The following RELN variants were observed in gnomAD, a reference collection of about 807,000 sequenced individuals.
RELN encodes reelin.
In RELN, 108 loss-of-function variants were observed where a neutral mutation model predicts 427.6. The observed-to-expected ratio is 0.25, with a 90% confidence interval of 0.22 to 0.30. The LOEUF (loss-of-function observed/expected upper bound fraction) is 0.30. Among genes scored for constraint, RELN ranks in the 10% least tolerant of loss-of-function variants. The pLI, the probability that RELN is intolerant of heterozygous loss-of-function variation, is 1.00. For missense variants in RELN, 3,715 were observed against 4,302.8 expected, an observed-to-expected ratio of 0.86 and a Z score of 3.82; for synonymous variants, 1,524 against 1,513.4, an observed-to-expected ratio of 1.01 and a Z score of -0.16.
At chr7:103,556,678 ATT>A (rs1830529373) in intron 38 of RELN, among the ~76,000 whole-genome samples, 1 of 151,856 alleles carries the variant, frequency 6.6e-6, no homozygotes, top group Non-Finnish European at 1.5e-5. Flanking sequence ...CATCTTCCTT[ATT>A]TTCTCTTGCT....
At chr7:103,909,499 C>T (rs1051571829) in intron 2 of RELN, among the ~76,000 whole-genome samples, 3 of 148,116 alleles carry the variant, frequency 2.0e-5, no homozygotes, top group Admixed American at 6.9e-5. Flanking sequence ...ATAATTCACT[C>T]GGGAGGCTGA....
At chr7:103,581,517 G>C (rs923834893) in intron 28 of RELN, among the ~76,000 whole-genome samples, 3 of 152,092 alleles carry the variant, frequency 2.0e-5, no homozygotes, top group African/African-American at 7.2e-5. Flanking sequence ...GGAGTCTTGG[G>C]AGGACACTGA....
chr7:103,871,958 T>C (rs1472518909), intron 2 of RELN, among the ~76,000 whole-genome samples: 1 of 151,162 alleles, frequency 6.6e-6, no homozygotes, highest in Non-Finnish European at 1.5e-5. Context: ...CAATGAGATA[T>C]AATGCTAATT....
chr7:103,749,979 T>TG (rs34011659), intron 5 of RELN, among the ~76,000 whole-genome samples: 75,234 of 150,286 alleles, frequency 0.5, 18,865 homozygotes, highest in Non-Finnish European at 0.55. Flanking sequence ...TGAGATTTGA[T>TG]GGTTTTTTTT....
intron 4 of RELN, among the ~76,000 whole-genome samples, chr7:103,773,398 CCT>C (rs1791650388): frequency 1.6e-5 from 1 of 63,222 alleles, no homozygotes; most frequent in African/African-American, 6.2e-5. Context: ...TCGCTCCCTC[CCT>C]GTCTCTCTCT....
chr7:103,511,525 A>G (rs1829414639), intron 50 of RELN, among the ~76,000 whole-genome samples: 1 of 152,156 alleles, frequency 6.6e-6, no homozygotes, highest in African/African-American at 2.4e-5. Flanking sequence ...AAAGCTTGTA[A>G]TGAATTTTTT....
At chr7:103,664,053 A>G (rs1833203328) in intron 11 of RELN, among the ~76,000 whole-genome samples, 1 of 152,184 alleles carries the variant, frequency 6.6e-6, no homozygotes, top group Non-Finnish European at 1.5e-5. Context: ...GTGAGAAGTG[A>G]AAACAAAGCA....
At chr7:103,896,379 G>A (rs1794961178) in intron 2 of RELN, among the ~76,000 whole-genome samples, 1 of 152,042 alleles carries the variant, frequency 6.6e-6, no homozygotes, top group Non-Finnish European at 1.5e-5. Context: ...GCAGCTGTAT[G>A]CATAATAACC....
intron 45 of RELN, among the ~76,000 whole-genome samples, chr7:103,536,962 T>C (rs1279764672): frequency 6.6e-6 from 1 of 152,210 alleles, no homozygotes; most frequent in African/African-American, 2.4e-5. Context: ...CTAAAGGATA[T>C]CTTCACTTAG....
intron 1 of RELN, among the ~76,000 whole-genome samples, chr7:103,923,735 T>C (rs1415823252): frequency 2.0e-5 from 3 of 152,044 alleles, no homozygotes; most frequent in Non-Finnish European, 4.4e-5. Flanking sequence ...CTCCTGTCCA[T>C]CTCCAGAGGA....
chr7:103,480,057 T>C (rs756695581), intron 63 of RELN, among the ~76,000 whole-genome samples: 15 of 152,196 alleles, frequency 9.9e-5, no homozygotes, highest in African/African-American at 7.2e-5. Flanking sequence ...GTTTGTAACA[T>C]ACAGTTACGT....
intron 10 of RELN, among the ~76,000 whole-genome samples, chr7:103,685,073 G>A (rs1833736264): frequency 6.6e-6 from 1 of 152,032 alleles, no homozygotes; most frequent in Non-Finnish European, 1.5e-5. Flanking sequence ...CCAAATTTTG[G>A]CAGATTATCA....
rs1832340768 is a variant in RELN, at chr7:103,626,853, A to T, written c.2702+3087T>A. On this transcript the variant is annotated intron_variant, in intron 20 of 64. Transcript: ENST00000428762. The surrounding 1 kb of genome is among the most constrained non-coding windows in gnomAD (Gnocchi z 4.4). Reference sequence around the variant, plus strand: ...GTATATGTAAGAGGTTTTAAGGAATATTAGAACCTAAAGCAGACAGAAGTT... The same window carrying T: ...GTATATGTAAGAGGTTTTAAGGAATTTTAGAACCTAAAGCAGACAGAAGTT... Among the ~76,000 whole-genome samples, 1 of 152,150 alleles carries T rather than the reference A, an allele frequency of 6.6e-6. No individual in the cohort carries two copies. The highest frequency in any genetic ancestry group is 2.1e-4 in the South Asian group (1 of 4,828).
At position 103,539,663 on chromosome 7, in the gene RELN, G is replaced by A. The variant is rs362748; in HGVS notation, c.6931-336C>T. 0.044 allele frequency among the ~76,000 whole-genome samples: 6,654 copies of A among 152,268 alleles called. 186 individuals are homozygous for A. Among genetic ancestry groups the A allele is most frequent in the South Asian group, 0.15 (715 of 4,824 alleles). The stretch of plus-strand genomic sequence containing the variant: ...TTTTCCATGTAAAATTTCTATTTAA[G>A]GACAGTTGTACCCTAAGGCATTTCA... On this transcript the variant is annotated intron_variant, in intron 44 of 64. Coordinates refer to ENST00000428762, the MANE Select transcript of RELN (RefSeq NM_005045.4).
At chr7:103,750,353 G>A (rs1265674181) in intron 5 of RELN, among the ~76,000 whole-genome samples, 6 of 152,130 alleles carry the variant, frequency 3.9e-5, no homozygotes, top group East Asian at 3.9e-4. Flanking sequence ...GAAGAAGGAC[G>A]TGTTTGCTTC....
chr7:103,825,013 T>C (rs1285779308), intron 3 of RELN, among the ~76,000 whole-genome samples: 1 of 151,946 alleles, frequency 6.6e-6, no homozygotes, highest in Non-Finnish European at 1.5e-5. Context: ...TAAAGGAACT[T>C]AGTAGGCTGC....
rs766811429 is a variant in RELN, at chr7:103,749,458, G to C, written c.624C>G (p.Ser208=). The change falls in exon 6 of 65, where the codon TCC becomes TCG. Residue 208 remains serine (S), a synonymous_variant. Coordinates refer to ENST00000428762, the MANE Select transcript of RELN (RefSeq NM_005045.4). ...DSIILRDDFD[S]YHQLQLNPNI... ...TTGGATTTAATTGCAGTTGGTGGTA[G>C]GAGTCAAAGTCATCTCTCAGGATAA... 1 of 1,613,072 alleles carries C rather than the reference G, an allele frequency of 6.2e-7. No individual in the cohort carries two copies. Among genetic ancestry groups the C allele is most frequent in the Non-Finnish European group, 8.5e-7 (1 of 1,179,284 alleles).
chr7:103,672,608 T>C (rs1833417827), intron 11 of RELN, among the ~76,000 whole-genome samples: 1 of 152,168 alleles, frequency 6.6e-6, no homozygotes, highest in African/African-American at 2.4e-5. Flanking sequence ...TTTTAGCACT[T>C]GTGTGGTTTT....
chr7:103,689,050 T>C (rs1833818965), intron 10 of RELN, among the ~76,000 whole-genome samples: 1 of 152,164 alleles, frequency 6.6e-6, no homozygotes, highest in Non-Finnish European at 1.5e-5. Flanking sequence ...AAATCCTTGA[T>C]ATTAGTTTGC....
Sources: gnomAD v4.1 joint callset for allele counts (sites outside exome capture counted in the v4.1 genomes callset) on GRCh38, gnomAD v4.1.1 for gene constraint, Gnocchi (gnomAD v3.1) non-coding constraint, MANE v1.5 for transcripts, NCBI Gene and HGNC (gene_info 2026-07-23, HGNC 2026-07-21) for gene names.